KCNIP4: variants seen among roughly 807,000 people sequenced by gnomAD.
KCNIP4 encodes the protein potassium voltage-gated channel interacting protein 4, also known as Kv channel-interacting protein 4.
A neutral mutation model predicts 34.0 loss-of-function variants in KCNIP4; 12 were observed. The observed-to-expected ratio is 0.35, with a 90% CI of 0.23 to 0.57. The LOEUF (loss-of-function observed/expected upper bound fraction) is 0.57, where lower values mean the gene tolerates loss of function less well. Ranked by LOEUF, KCNIP4 falls within the 20% of genes least tolerant of loss-of-function variation. The pLI is 0.83. For missense variants in KCNIP4, 238 were observed against 311.7 expected (o/e 0.76, Z 1.78); for synonymous variants, 124 against 102.2 (o/e 1.21, Z -1.29).
At chr4:21,922,810 T>C (rs554586972) in intron 1 of KCNIP4, among the ~76,000 whole-genome samples, 102 of 152,336 alleles carry the variant, frequency 6.7e-4, no homozygotes, top group African/African-American at 2.4e-3. Flanking sequence ...GGTTGAGCTC[T>C]ATAAGCTACA....
Position 20,795,634 on chromosome 4 carries a change from A to G in KCNIP4, c.289-36744T>C, listed in dbSNP as rs771292494. ...TTTTGGGTTGCGCTCAAGCCAGTGT[A>G]CCAATTTCACAATATCTGCTAATTG... On this transcript the variant is annotated intron_variant, in intron 3 of 8. Transcript: ENST00000382152. 8.9e-4 allele frequency among the ~76,000 whole-genome samples: 135 copies of G among 152,164 alleles called. 1 individual carries two copies. The highest frequency in any genetic ancestry group is 4.3e-3 in the Admixed American group (66 of 15,278).
chr4:21,567,700 CT>C (rs1462833389), intron 1 of KCNIP4, among the ~76,000 whole-genome samples: 1 of 152,042 alleles, frequency 6.6e-6, no homozygotes, highest in African/African-American at 2.4e-5. Flanking sequence ...GGGAATATAA[CT>C]TTAAAAACAA....
At chr4:21,116,543 C>T (rs1749693061) in intron 1 of KCNIP4, among the ~76,000 whole-genome samples, 1 of 152,184 alleles carries the variant, frequency 6.6e-6, no homozygotes, top group African/African-American at 2.4e-5. Context: ...GTACTTTATG[C>T]CTTCCGTTTT....
intron 1 of KCNIP4, among the ~76,000 whole-genome samples, chr4:21,479,849 A>G (rs1266582897): frequency 6.6e-6 from 1 of 152,006 alleles, no homozygotes; most frequent in Non-Finnish European, 1.5e-5. Context: ...CAATTTAAAA[A>G]GCCAGTTATT....
chr4:20,976,842 C>CT (rs989716936), intron 1 of KCNIP4, among the ~76,000 whole-genome samples: 7 of 151,716 alleles, frequency 4.6e-5, no homozygotes, highest in Admixed American at 2.0e-4. Context: ...AACTTTTTCT[C>CT]TTTTTTTTGA....
intron 3 of KCNIP4, among the ~76,000 whole-genome samples, chr4:20,794,780 G>A (rs1260742293): frequency 1.3e-5 from 2 of 152,210 alleles, no homozygotes; most frequent in Non-Finnish European, 2.9e-5. Context: ...GCATATAAGT[G>A]TGGCTTAGGG....
chr4:21,193,636 A>G (rs993767305), intron 1 of KCNIP4, among the ~76,000 whole-genome samples: 44 of 141,300 alleles, frequency 3.1e-4, no homozygotes, highest in African/African-American at 1.2e-3. Context: ...CAGTGGCGCA[A>G]TCTGGGCTCA....
intron 1 of KCNIP4, among the ~76,000 whole-genome samples, chr4:21,599,860 C>G (rs973694981): frequency 5.9e-5 from 9 of 151,978 alleles, no homozygotes; most frequent in Non-Finnish European, 1.2e-4. Context: ...ATATTGGAGG[C>G]AGGCCCAAAG....
intron 1 of KCNIP4, among the ~76,000 whole-genome samples, chr4:21,636,661 T>G (rs540250013): frequency 6.6e-6 from 1 of 152,084 alleles, no homozygotes; most frequent in African/African-American, 2.4e-5. Flanking sequence ...CCTAAGAAAC[T>G]CCCAAAAGGC....
At chr4:21,151,615 C>G (rs1304834839) in intron 1 of KCNIP4, among the ~76,000 whole-genome samples, 1 of 151,714 alleles carries the variant, frequency 6.6e-6, no homozygotes, top group Non-Finnish European at 1.5e-5. Flanking sequence ...CCTCCATGAG[C>G]CCATCTAAAA....
intron 1 of KCNIP4, among the ~76,000 whole-genome samples, chr4:21,466,256 TAACCC>T (rs1560433300): frequency 1.6e-4 from 25 of 152,290 alleles, no homozygotes; most frequent in African/African-American, 5.1e-4. Context: ...CTCCAAAGTC[TAACCC>T]ACAATGTTTA....
At chr4:21,813,412 C>T (rs1721781944) in intron 1 of KCNIP4, among the ~76,000 whole-genome samples, 1 of 152,144 alleles carries the variant, frequency 6.6e-6, no homozygotes, top group Non-Finnish European at 1.5e-5. Flanking sequence ...ATAATTTTTA[C>T]AACATCTAGA....
chr4:21,401,834 G>T (rs1007009921), intron 1 of KCNIP4, among the ~76,000 whole-genome samples: 15 of 152,182 alleles, frequency 9.9e-5, no homozygotes, highest in Admixed American at 7.9e-4. Flanking sequence ...GAGGTTCTAG[G>T]CAAGCATGAG....
intron 1 of KCNIP4, among the ~76,000 whole-genome samples, chr4:21,528,740 A>AAAG (rs1736280016): frequency 7.9e-5 from 1 of 12,736 alleles, no homozygotes; most frequent in Non-Finnish European, 1.4e-4. Flanking sequence ...AGAAAGAAAG[A>AAAG]AAGAAAGAAA....
intron 1 of KCNIP4, among the ~76,000 whole-genome samples, chr4:21,758,654 A>G (rs1179860982): frequency 2.6e-5 from 4 of 152,166 alleles, no homozygotes; most frequent in Admixed American, 2.0e-4. Flanking sequence ...CAGCCATAAG[A>G]CTTATTGGGT....
intron 3 of KCNIP4, among the ~76,000 whole-genome samples, chr4:20,816,241 A>C (rs537813278): frequency 6.6e-6 from 1 of 150,988 alleles, no homozygotes; most frequent in Admixed American, 6.6e-5. Flanking sequence ...GCAACAGAGT[A>C]AGACTCCATC....
intron 3 of KCNIP4, among the ~76,000 whole-genome samples, chr4:20,801,309 A>G (rs1714198999): frequency 6.6e-6 from 1 of 152,012 alleles, no homozygotes. Flanking sequence ...AAAGAAAAGA[A>G]AAAAGGCATT....
intron 1 of KCNIP4, among the ~76,000 whole-genome samples, chr4:21,640,444 T>C (rs1394180133): frequency 1.3e-5 from 2 of 152,136 alleles, no homozygotes; most frequent in Non-Finnish European, 2.9e-5. Context: ...GTCATCCCAG[T>C]GTAAGTGAGC....
intron 1 of KCNIP4, chr4:21,464,648 G>T (rs1377753678): frequency 6.6e-6 from 1 of 152,016 alleles, no homozygotes; most frequent in Non-Finnish European, 1.5e-5. Context: ...CTTGAAAAGA[G>T]TATATATTCT....
Sources: gnomAD v4.1 joint callset for allele counts (sites outside exome capture counted in the v4.1 genomes callset) on GRCh38, gnomAD v4.1.1 for gene constraint, MANE v1.5 for transcripts, NCBI Gene and HGNC (gene_info 2026-07-23, HGNC 2026-07-21) for gene names.